The following CDC42EP1 variants were observed in gnomAD, a reference collection of about 807,000 sequenced individuals.
CDC42EP1 encodes 55 kDa bone marrow stromal/endothelial cell protein.
Under a neutral mutation model 7.4 loss-of-function variants are expected in CDC42EP1, and 6 were observed. The ratio of observed to expected loss-of-function variants is 0.81; its 90% confidence interval spans 0.44 to 1.60. The LOEUF (loss-of-function observed/expected upper bound fraction) is 1.60, where lower values mean the gene tolerates loss of function less well. Among genes scored for constraint, CDC42EP1 ranks in the 40% most tolerant of loss-of-function variants. The pLI is 0.01. For synonymous variants in CDC42EP1, 238 were observed against 227.1 expected (o/e 1.05, Z -0.43); for missense variants, 567 against 539.0 (o/e 1.05, Z -0.51).
chr22:37,566,389 A>G lies in CDC42EP1; in HGVS notation c.40A>G (p.Ser14Gly), dbSNP rs1240245107. ...PQGGRGAATM[S>G]LGKLSPVGWV... is the part of the protein sequence containing the mutation. ...GGGGGGCAGAGGCGCCGCCACCATG[A>G]GCCTGGGCAAGCTCTCGCCTGTGGG... Residue 14 changes from serine (S) to glycine (G), a missense_variant, in exon 2 of 3, where the codon AGC becomes GGC. Coordinates refer to ENST00000249014, the MANE Select transcript of CDC42EP1 (RefSeq NM_152243.3). The surrounding 1 kb of genome is among the most constrained non-coding windows in gnomAD (Gnocchi z 6.4). 2.5e-6 allele frequency: 4 copies of G among 1,574,238 alleles called. No individual in the cohort carries two copies. Among genetic ancestry groups the G allele is most frequent in the Admixed American group, 1.8e-5 (1 of 55,606 alleles).
At position 37,566,181 on chromosome 22, in the gene CDC42EP1, C is replaced by T. The variant is rs998136512; in HGVS notation, c.-169C>T. 8 of 465,554 alleles carry T rather than the reference C, an allele frequency of 1.7e-5. No individual in the cohort carries two copies. Among genetic ancestry groups the T allele is most frequent in the Non-Finnish European group, 3.0e-5 (8 of 265,120 alleles). 28.8% of individuals were successfully genotyped at this position (465,554 alleles called of 1,614,324 possible). On this transcript the variant is annotated 5_prime_UTR_variant, in exon 2 of 3. The change creates a new upstream start codon in the 5' untranslated region. Coordinates refer to ENST00000249014, the MANE Select transcript of CDC42EP1 (RefSeq NM_152243.3). The surrounding 1 kb of genome is among the most constrained non-coding windows in gnomAD (Gnocchi z 6.4). ...CTGGGAGCCGGGCCCCTGGGAGAGA[C>T]GAGCCATGAACCCCCCACAGCCTCT... is the stretch of plus-strand genomic sequence containing the variant.
At chr22:37,562,831 G>C (rs529427292) in intron 1 of CDC42EP1, among the ~76,000 whole-genome samples, 4 of 152,296 alleles carry the variant, frequency 2.6e-5, no homozygotes, top group African/African-American at 9.6e-5. Context: ...AGGGAGGCCA[G>C]GTGTGGTGGT....
rs373463981 is a variant in CDC42EP1, at chr22:37,562,174, C to T, written c.-279+1586C>T. On this transcript the variant is annotated intron_variant, in intron 1 of 2. Coordinates refer to ENST00000249014, the MANE Select transcript of CDC42EP1 (RefSeq NM_152243.3). ...CCAAATCGTCTTCCCCATTCCCCAT[C>T]GTCTTCACCCCCACCCTGGGGCATT... Among the ~76,000 whole-genome samples the T allele has an allele frequency of 3.2e-4, 48 of 152,346 alleles. No homozygotes were observed. The South Asian group carries it at 9.7e-3, about 31-fold the overall frequency.
rs148893156 is a variant in CDC42EP1 at position 37,566,692 on chromosome 22, A to G, written c.343A>G (p.Ile115Val). 3.7e-6 allele frequency: 6 copies of G among 1,611,270 alleles called. No homozygotes were observed. The highest frequency in any genetic ancestry group is 5.1e-6 in the Non-Finnish European group (6 of 1,178,546). ...PSPAPPAISP[I>V]IKNAISLPQL... ...CCCGGCTCCACCGGCCATCTCCCCC[A>G]TCATCAAGAACGCCATCTCCCTGCC... The change falls in exon 2 of 3, where the codon ATC (isoleucine) becomes GTC (valine). Residue 115 changes from isoleucine to valine, a missense_variant. Ile to Val is a conservative substitution (Grantham distance 29). Coordinates refer to ENST00000249014, the MANE Select transcript of CDC42EP1 (RefSeq NM_152243.3). The surrounding 1 kb of genome is among the most constrained non-coding windows in gnomAD (Gnocchi z 6.4).
At chr22:37,561,545 G>C (rs1224747831) in intron 1 of CDC42EP1, among the ~76,000 whole-genome samples, 2 of 152,242 alleles carry the variant, frequency 1.3e-5, no homozygotes. Context: ...TAGCTACCCC[G>C]TTCTGGCCTC....
Position 37,568,839 on chromosome 22 carries a change from CA to C in CDC42EP1, c.*20del. 6.9e-7 allele frequency: 1 copy of C among 1,440,108 alleles called. No homozygotes were observed. The highest frequency in any genetic ancestry group is 2.5e-5 in the East Asian group (1 of 40,764). The allele number at this position is 1,440,108 out of a possible 1,614,324, so 89.2% of individuals were successfully genotyped here. A position where few individuals can be genotyped will look rare whatever the true frequency, so the allele number is the denominator to read the frequency against. ...GGTGTGAGGGGCTGGGGCACGGTCC[CA>C]GGGCCCCACCTAGGTGCAGAGCCGG... is the stretch of plus-strand genomic sequence containing the variant. On this transcript the variant is annotated 3_prime_UTR_variant, in exon 3 of 3. Transcript: ENST00000249014.
intron 1 of CDC42EP1, among the ~76,000 whole-genome samples, chr22:37,562,229 T>C (rs564767562): frequency 5.9e-5 from 9 of 152,270 alleles, no homozygotes; most frequent in African/African-American, 1.7e-4. Context: ...TGACTGAGGG[T>C]AAATGTCTCC....
chr22:37,561,817 G>T (rs956732395), intron 1 of CDC42EP1, among the ~76,000 whole-genome samples: 15 of 152,176 alleles, frequency 9.9e-5, no homozygotes, highest in Non-Finnish European at 2.2e-4. Flanking sequence ...GTGACCCCCA[G>T]GTGAATGCCA....
At position 37,566,853 on chromosome 22, in the gene CDC42EP1, A is replaced by G; in HGVS notation, c.463+41A>G. 6.8e-7 allele frequency: 1 copy of G among 1,460,810 alleles called. No homozygotes were observed. Among genetic ancestry groups the G allele is most frequent in the Non-Finnish European group, 9.2e-7 (1 of 1,082,880 alleles). The allele number at this position is 1,460,810 out of a possible 1,614,324, so 90.5% of individuals were successfully genotyped here. On this transcript the variant is annotated intron_variant, in intron 2 of 2. Coordinates refer to ENST00000249014, the MANE Select transcript of CDC42EP1 (RefSeq NM_152243.3). The surrounding 1 kb of genome is among the most constrained non-coding windows in gnomAD (Gnocchi z 6.4). ...ATCTTGGCCCACTTTTCAGAGGCTG[A>G]GGCTGAGGCCCAGAGGGGTTCAGTG...
intron 1 of CDC42EP1, among the ~76,000 whole-genome samples, chr22:37,562,449 A>G (rs2145807426): frequency 6.6e-6 from 1 of 152,186 alleles, no homozygotes; most frequent in East Asian, 1.9e-4. Context: ...CTGGAATGAG[A>G]GATGTTAGTG....
In CDC42EP1 at chr22:37,566,586, C is replaced by A. The variant is rs373648442; in HGVS notation, c.237C>A (p.Arg79=). The A allele has an allele frequency of 2.7e-5, 44 of 1,602,656 alleles. No homozygotes were observed. In the African/African-American group the frequency reaches 5.6e-4, roughly 20 times the overall value. The change falls in exon 2 of 3, where the codon CGC becomes CGA. Residue 79 remains arginine, a synonymous_variant. Transcript: ENST00000249014. The surrounding 1 kb of genome is among the most constrained non-coding windows in gnomAD (Gnocchi z 6.4). ...CCGGGAGCACCCATCGCTCACCCCG[C>A]AGCTTCCTGGCCAAGAAGCTGCAGC... ...GSSGSTHRSP[R]SFLAKKLQLV...
chr22:37,568,036 T>C, intron 2 of CDC42EP1, 72 bp from the exon 3 acceptor site: 1 of 1,336,742 alleles, frequency 7.5e-7, no homozygotes, highest in Non-Finnish European at 1.1e-6. Flanking sequence ...AAGCCAGGAC[T>C]GGTCCTGTCT....
chr22:37,566,844 C>T lies in CDC42EP1; in HGVS notation c.463+32C>T, dbSNP rs1043237481. On this transcript the variant is annotated intron_variant, in intron 2 of 2. Transcript: ENST00000249014. This position sits in a 1 kb window ranked among gnomAD's most constrained non-coding sequence, Gnocchi z 6.4. ...GCCTGGGCCATCTTGGCCCACTTTT[C>T]AGAGGCTGAGGCTGAGGCCCAGAGG... The T allele has an allele frequency of 1.3e-6, 2 of 1,497,360 alleles. No homozygotes were observed. Among genetic ancestry groups the T allele is most frequent in the Admixed American group, 2.2e-5 (1 of 44,678 alleles). The allele number at this position is 1,497,360 out of a possible 1,614,324, so 92.8% of individuals were successfully genotyped here.
In CDC42EP1 at chr22:37,566,862, C is replaced by T; in HGVS notation, c.463+50C>T. The T allele has an allele frequency of 7.2e-7, 1 of 1,397,152 alleles. No individual in the cohort carries two copies. Among genetic ancestry groups the T allele is most frequent in the Non-Finnish European group, 9.7e-7 (1 of 1,029,906 alleles). 86.5% of individuals were successfully genotyped at this position (1,397,152 alleles called of 1,614,324 possible). ...CACTTTTCAGAGGCTGAGGCTGAGG[C>T]CCAGAGGGGTTCAGTGGCTCCTCCA... is the stretch of plus-strand genomic sequence containing the variant. On this transcript the variant is annotated intron_variant, in intron 2 of 2. Transcript: ENST00000249014. This position sits in a 1 kb window ranked among gnomAD's most constrained non-coding sequence, Gnocchi z 6.4.
chr22:37,567,992 A>G, intron 2 of CDC42EP1, 116 bp from the exon 3 acceptor site: 1 of 814,666 alleles, frequency 1.2e-6, no homozygotes, highest in Non-Finnish European at 2.0e-6. Flanking sequence ...AACCGAGGCC[A>G]GAGAGGGGAG....
intron 1 of CDC42EP1, among the ~76,000 whole-genome samples, chr22:37,565,019 C>T (rs59761843): frequency 0.1 from 15,396 of 152,040 alleles, 1,895 homozygotes; most frequent in African/African-American, 0.29. Flanking sequence ...ACCTCGTGAT[C>T]CACCCGCCTT....
In CDC42EP1 at chr22:37,568,747, C is replaced by A. The variant is rs746544798; in HGVS notation, c.1103C>A (p.Pro368Gln). 2.0e-5 allele frequency: 30 copies of A among 1,522,738 alleles called. No homozygotes were observed. Among genetic ancestry groups the A allele is most frequent in the Non-Finnish European group, 2.5e-5 (28 of 1,136,758 alleles). 94.3% of individuals were successfully genotyped at this position (1,522,738 alleles called of 1,614,324 possible). A position where few individuals can be genotyped will look rare whatever the true frequency, so the allele number is the denominator to read the frequency against. Residue 368 changes from proline to glutamine, a missense_variant, in exon 3 of 3, where the codon CCA (proline) becomes CAA (glutamine). Transcript: ENST00000249014. ...WRAPQAGSRT[P>Q]VPSTVQANTF... ...GCGCCCCAGGCAGGCAGCAGGACCC[C>A]AGTGCCCAGCACAGTGCAAGCAAAC...
intron 1 of CDC42EP1, among the ~76,000 whole-genome samples, chr22:37,562,744 C>T (rs1441416200): frequency 6.6e-6 from 1 of 150,692 alleles, no homozygotes; most frequent in African/African-American, 2.4e-5. Context: ...GCTGGTCCCC[C>T]AAGTCAAAAG....
Position 37,568,147 on chromosome 22 carries a change from G to T in CDC42EP1, c.503G>T (p.Arg168Leu), listed in dbSNP as rs201024113. Residue 168 changes from arginine (R) to leucine (L), a missense_variant, in exon 3 of 3, where the codon CGC (arginine) becomes CTC (leucine). By Grantham distance (102) the Arg-to-Leu change is moderately radical. Transcript: ENST00000249014. ...TTCTGCACCATCTCCCGCCTGCCCC[G>T]CTCGGAAAAGCCGCATGACCGAGAC... Reference protein sequence around the residue: ...SGFCTISRLPRSEKPHDRDRD... With the variant: ...SGFCTISRLPLSEKPHDRDRD... 7 of 1,613,830 alleles carry T rather than the reference G, an allele frequency of 4.3e-6. No homozygotes were observed. The highest frequency in any genetic ancestry group is 4.0e-5 in the African/African-American group (3 of 74,966).
Sources: gnomAD v4.1 joint callset for allele counts (sites outside exome capture counted in the v4.1 genomes callset) on GRCh38, gnomAD v4.1.1 for gene constraint, Gnocchi (gnomAD v3.1) non-coding constraint, MANE v1.5 for transcripts, NCBI Gene and HGNC (gene_info 2026-07-23, HGNC 2026-07-21) for gene names.